The following BBS9 variants were observed in gnomAD, a reference collection of about 807,000 sequenced individuals.
The protein encoded by BBS9 is protein PTHB1.
Under a neutral mutation model 117.7 loss-of-function variants are expected in BBS9, and 89 were observed. The observed-to-expected ratio is 0.76, with a 90% CI of 0.64 to 0.90. The LOEUF is 0.90. Ranked by LOEUF, BBS9 falls within the 40% of genes least tolerant of loss-of-function variation. BBS9 has a pLI of 0.00. For missense variants in BBS9, 982 were observed against 1,042.2 expected (o/e 0.94, Z 0.80); for synonymous variants, 379 against 370.9 (o/e 1.02, Z -0.25).
intron 19 of BBS9, among the ~76,000 whole-genome samples, chr7:33,491,000 C>T (rs1359089520): frequency 6.6e-6 from 1 of 152,048 alleles, no homozygotes; most frequent in Non-Finnish European, 1.5e-5. Flanking sequence ...CAAAGTAGAT[C>T]TAATAGCCCC....
chr7:33,438,775 G>A (rs1835688141), intron 19 of BBS9, among the ~76,000 whole-genome samples: 3 of 152,064 alleles, frequency 2.0e-5, no homozygotes, highest in South Asian at 4.1e-4. Flanking sequence ...AATATTTAAC[G>A]CAGTCTCAAA....
At chr7:33,186,676 G>T (rs910528950) in intron 5 of BBS9, among the ~76,000 whole-genome samples, 6 of 152,096 alleles carry the variant, frequency 3.9e-5, no homozygotes, top group African/African-American at 1.4e-4. Flanking sequence ...AATATTAATT[G>T]GTTGTATTGG....
rs563056900 is a variant in BBS9 at position 33,544,444 on chromosome 7, A to G, written c.2521+10268A>G. On this transcript the variant is annotated intron_variant, in intron 21 of 22. Transcript: ENST00000242067. ...GATGTGGCTTTCTGTGTGCCGAACT[A>G]TAGTGATTGTTGTTTCTCTTCTGGG... Among the ~76,000 whole-genome samples, 9 of 152,172 alleles carry G rather than the reference A, an allele frequency of 5.9e-5. No individual in the cohort carries two copies. The South Asian group carries it at 1.2e-3, about 21-fold the overall frequency.
intron 1 of BBS9, among the ~76,000 whole-genome samples, chr7:33,141,044 C>T (rs1248288335): frequency 6.6e-6 from 1 of 152,044 alleles, no homozygotes; most frequent in African/African-American, 2.4e-5. Flanking sequence ...CCAATGAAAA[C>T]AGTACAGTGA....
At chr7:33,193,216 G>A (rs1784412236) in intron 5 of BBS9, among the ~76,000 whole-genome samples, 1 of 152,026 alleles carries the variant, frequency 6.6e-6, no homozygotes, top group African/African-American at 2.4e-5. Flanking sequence ...CTGTCTGTTA[G>A]GGTTTTATTT....
intron 19 of BBS9, among the ~76,000 whole-genome samples, chr7:33,461,605 A>C (rs1839479739): frequency 6.6e-6 from 1 of 151,984 alleles, no homozygotes; most frequent in South Asian, 2.1e-4. Flanking sequence ...AGATAGCAGA[A>C]GTCAATTTAA....
chr7:33,367,184 C>A (rs1384686040), intron 16 of BBS9, among the ~76,000 whole-genome samples: 1 of 152,034 alleles, frequency 6.6e-6, no homozygotes, highest in African/African-American at 2.4e-5. Flanking sequence ...AGGATAAATG[C>A]TTGGTTCTTT....
rs1562773513 is a variant in BBS9, at chr7:33,193,421, C to CGTTTTTTTTTTTTTTTTTTT, written c.442+15830_442+15831insGTTTTTTTTTTTTTTTTTTT. On this transcript the variant is annotated intron_variant, in intron 5 of 22. Transcript: ENST00000242067. ...TTGTCTTCCCCTGTCCCTCTCTCTG[C>CGTTTTTTTTTTTTTTTTTTT]CTTTTTTTTTTTTTTTTTTTGTAGT... Among the ~76,000 whole-genome samples the CGTTTTTTTTTTTTTTTTTTT allele has an allele frequency of 8.9e-5, 6 of 67,792 alleles. 3 individuals are homozygous for CGTTTTTTTTTTTTTTTTTTT. Among genetic ancestry groups the CGTTTTTTTTTTTTTTTTTTT allele is most frequent in the Non-Finnish European group, 1.3e-4 (4 of 30,422 alleles). The allele number at this position is 67,792 out of a possible 152,430, so 44.5% of individuals were successfully genotyped here.
chr7:33,219,055 GC>G (rs1165556018), intron 5 of BBS9, among the ~76,000 whole-genome samples: 1 of 152,344 alleles, frequency 6.6e-6, no homozygotes, highest in South Asian at 2.1e-4. Context: ...GGCTTGGCGG[GC>G]CCCGCACTCG....
intron 19 of BBS9, among the ~76,000 whole-genome samples, chr7:33,441,863 A>C (rs886698584): frequency 6.6e-6 from 1 of 151,538 alleles, no homozygotes; most frequent in Non-Finnish European, 1.5e-5. Context: ...CAATTACAGC[A>C]ATGTTTTCAA....
chr7:33,579,961 G>A (rs1021362995), intron 21 of BBS9, among the ~76,000 whole-genome samples: 18 of 152,050 alleles, frequency 1.2e-4, no homozygotes, highest in African/African-American at 4.3e-4. Flanking sequence ...CACCATAAAT[G>A]CAGCAAAAAG....
At chr7:33,524,697 C>G (rs977532983) in intron 20 of BBS9, among the ~76,000 whole-genome samples, 1 of 152,236 alleles carries the variant, frequency 6.6e-6, no homozygotes, top group African/African-American at 2.4e-5. Context: ...TTTCAAAAAA[C>G]CAGCTCCTGG....
chr7:33,384,968 C>T (rs1180450394), intron 18 of BBS9, among the ~76,000 whole-genome samples: 2 of 152,018 alleles, frequency 1.3e-5, no homozygotes, highest in African/African-American at 4.8e-5. Context: ...CCAAAATTGA[C>T]ACAGTCTGTA....
intron 20 of BBS9, among the ~76,000 whole-genome samples, chr7:33,518,496 G>A (rs200543610): frequency 2.2e-4 from 33 of 151,938 alleles, no homozygotes; most frequent in African/African-American, 7.0e-4. Flanking sequence ...TGATCCGCCC[G>A]CCTCGGCCTC....
intron 9 of BBS9, among the ~76,000 whole-genome samples, chr7:33,289,127 T>G (rs1434206664): frequency 6.6e-6 from 1 of 152,210 alleles, no homozygotes; most frequent in Non-Finnish European, 1.5e-5. Context: ...ATTAGTGCGA[T>G]TCAATATTCT....
chr7:33,591,958 A>C (rs149356463), intron 21 of BBS9, among the ~76,000 whole-genome samples: 4 of 152,150 alleles, frequency 2.6e-5, no homozygotes, highest in African/African-American at 7.2e-5. Flanking sequence ...ATAGTAGACT[A>C]TCCGTGGTTT....
chr7:33,338,174 G>T (rs1243949490), intron 10 of BBS9, among the ~76,000 whole-genome samples: 1 of 151,852 alleles, frequency 6.6e-6, no homozygotes, highest in Non-Finnish European at 1.5e-5. Context: ...GAAGTTCCTT[G>T]CCCCTTCTAT....
At chr7:33,463,876 T>C (rs1839816891) in intron 19 of BBS9, among the ~76,000 whole-genome samples, 1 of 152,118 alleles carries the variant, frequency 6.6e-6, no homozygotes, top group Non-Finnish European at 1.5e-5. Context: ...TTATGTTTTA[T>C]GTGGGTATAT....
chr7:33,178,383 A>G (rs1482510127), intron 5 of BBS9, among the ~76,000 whole-genome samples: 2 of 152,168 alleles, frequency 1.3e-5, no homozygotes, highest in Non-Finnish European at 2.9e-5. Context: ...CACAAAGGCC[A>G]CCTTCATTGT....
Sources: gnomAD v4.1 joint callset for allele counts (sites outside exome capture counted in the v4.1 genomes callset) on GRCh38, gnomAD v4.1.1 for gene constraint, MANE v1.5 for transcripts, NCBI Gene and HGNC (gene_info 2026-07-23, HGNC 2026-07-21) for gene names.